The following ANO4 variants were observed in gnomAD, a reference collection of about 807,000 sequenced individuals.
ANO4 encodes anoctamin 4.
A neutral mutation model predicts 141.9 loss-of-function variants in ANO4; 69 were observed. The observed-to-expected ratio is 0.49, with a 90% CI of 0.40 to 0.59. The LOEUF (loss-of-function observed/expected upper bound fraction) is 0.59. ANO4 is among the 20% of genes least tolerant of loss of function. The pLI, the probability that ANO4 is intolerant of heterozygous loss-of-function variation, is 0.00. For missense variants in ANO4, 894 were observed against 1,162.2 expected, an observed-to-expected ratio of 0.77 and a Z score of 3.36; for synonymous variants, 350 against 394.3, an observed-to-expected ratio of 0.89 and a Z score of 1.33.
chr12:101,096,964 C>T (rs140489369), intron 19 of ANO4, among the ~76,000 whole-genome samples: 4 of 152,210 alleles, frequency 2.6e-5, no homozygotes, highest in African/African-American at 9.6e-5. Flanking sequence ...CCACCTATGA[C>T]GGCAGGTGGT....
At chr12:100,883,809 G>A (rs991492619) in intron 1 of ANO4, among the ~76,000 whole-genome samples, 3 of 152,190 alleles carry the variant, frequency 2.0e-5, no homozygotes, top group Non-Finnish European at 4.4e-5. Context: ...GAATGAAAAC[G>A]TGGATATGTG....
At chr12:100,719,379 G>C (rs1243493868) in intron 1 of ANO4, among the ~76,000 whole-genome samples, 1 of 152,124 alleles carries the variant, frequency 6.6e-6, no homozygotes. Flanking sequence ...AAAACATTGA[G>C]CACATTTAAT....
chr12:101,040,282 C>G (rs2047362971), intron 11 of ANO4, among the ~76,000 whole-genome samples: 1 of 152,144 alleles, frequency 6.6e-6, no homozygotes, highest in African/African-American at 2.4e-5. Flanking sequence ...TGGAATTTCC[C>G]CCAAAAAGAG....
chr12:100,904,789 A>G (rs1001656928), intron 2 of ANO4, among the ~76,000 whole-genome samples: 8 of 152,186 alleles, frequency 5.3e-5, no homozygotes, highest in Non-Finnish European at 8.8e-5. Flanking sequence ...GATGTAATAT[A>G]GACTATGGGG....
chr12:100,947,597 A>T (rs915282082), intron 5 of ANO4, among the ~76,000 whole-genome samples: 3 of 152,228 alleles, frequency 2.0e-5, no homozygotes, highest in Non-Finnish European at 4.4e-5. Context: ...GAAAAATCCA[A>T]CTGCAGTAAA....
intron 5 of ANO4, among the ~76,000 whole-genome samples, chr12:100,943,485 A>G (rs1338908095): frequency 6.6e-6 from 1 of 152,158 alleles, no homozygotes; most frequent in African/African-American, 2.4e-5. Flanking sequence ...TTGTTATCTG[A>G]TCTTGGGACA....
chr12:100,791,661 A>G (rs1329385055), upstream of ANO4, among the ~76,000 whole-genome samples: 1 of 152,172 alleles, frequency 6.6e-6, no homozygotes, highest in Non-Finnish European at 1.5e-5. Context: ...CATTTAGTCT[A>G]AAAGCATTCT....
chr12:101,111,439 T>C (rs1377983717), intron 23 of ANO4, 124 bp from the exon 24 acceptor site: 11 of 878,460 alleles, frequency 1.3e-5, no homozygotes, highest in Non-Finnish European at 1.8e-5. Flanking sequence ...TGGTTGCAAC[T>C]GTCAGTATTT....
chr12:100,832,150 A>AC (rs1326755313), intron 1 of ANO4, among the ~76,000 whole-genome samples: 1 of 151,716 alleles, frequency 6.6e-6, no homozygotes, highest in Non-Finnish European at 1.5e-5. Flanking sequence ...CTCATTCCCC[A>AC]CCCCCCAATC....
At chr12:101,024,872 G>A (rs2046670314) in intron 9 of ANO4, among the ~76,000 whole-genome samples, 1 of 152,164 alleles carries the variant, frequency 6.6e-6, no homozygotes, top group African/African-American at 2.4e-5. Context: ...ACATATTAAT[G>A]TGTTACTATG....
intron 2 of ANO4, among the ~76,000 whole-genome samples, chr12:100,910,067 C>T (rs998789756): frequency 2.4e-4 from 36 of 151,920 alleles, no homozygotes; most frequent in Admixed American, 1.3e-4. Context: ...AAAATTATAT[C>T]GTTTGAAATT....
intron 25 of ANO4, among the ~76,000 whole-genome samples, chr12:101,119,358 G>A (rs936975373): frequency 1.3e-4 from 20 of 152,094 alleles, no homozygotes; most frequent in Non-Finnish European, 2.1e-4. Context: ...TACTTGGGAG[G>A]TAGGAGTATC....
chr12:101,005,679 T>C (rs1438559835), intron 8 of ANO4, among the ~76,000 whole-genome samples: 3 of 152,232 alleles, frequency 2.0e-5, no homozygotes, highest in African/African-American at 7.2e-5. Context: ...GCTTATGGTA[T>C]ATGTTCGATA....
At chr12:100,892,955 G>A (rs1359072102) in intron 1 of ANO4, among the ~76,000 whole-genome samples, 2 of 152,084 alleles carry the variant, frequency 1.3e-5, no homozygotes, top group Non-Finnish European at 2.9e-5. Context: ...TCTACTGTGA[G>A]CTAGGCATTG....
chr12:100,870,158 A>C (rs2038960236), intron 1 of ANO4, among the ~76,000 whole-genome samples: 1 of 152,196 alleles, frequency 6.6e-6, no homozygotes, highest in Non-Finnish European at 1.5e-5. Flanking sequence ...GACAGGCATA[A>C]CTGTGGAAAG....
chr12:101,061,152 T>A (rs2048329100), intron 14 of ANO4, among the ~76,000 whole-genome samples: 1 of 152,188 alleles, frequency 6.6e-6, no homozygotes, highest in Non-Finnish European at 1.5e-5. Flanking sequence ...TTAGTTTGGC[T>A]GGATATGAAA....
chr12:100,925,812 TATAC>T (rs10622896), intron 3 of ANO4, among the ~76,000 whole-genome samples: 4 of 147,880 alleles, frequency 2.7e-5, no homozygotes, highest in African/African-American at 5.0e-5. Flanking sequence ...TATACATACA[TATAC>T]ATACATACAT....
intron 1 of ANO4, among the ~76,000 whole-genome samples, chr12:100,854,693 A>G (rs1040658835): frequency 8.5e-5 from 13 of 152,172 alleles, no homozygotes; most frequent in Non-Finnish European, 1.8e-4. Context: ...CTTTCTACTC[A>G]TTCACTGTAT....
chr12:100,833,427 C>A (rs1260536846), intron 1 of ANO4, among the ~76,000 whole-genome samples: 1 of 152,044 alleles, frequency 6.6e-6, no homozygotes, highest in South Asian at 2.1e-4. Context: ...GTGTTTCTTA[C>A]CCAATTCATG....
Sources: gnomAD v4.1 joint callset for allele counts (sites outside exome capture counted in the v4.1 genomes callset) on GRCh38, gnomAD v4.1.1 for gene constraint, MANE v1.5 for transcripts, NCBI Gene and HGNC (gene_info 2026-07-23, HGNC 2026-07-21) for gene names.